The following STK33 variants were observed in gnomAD, a reference collection of about 807,000 sequenced individuals.
The protein encoded by STK33 is serine/threonine kinase 33.
Under a neutral mutation model 58.0 loss-of-function variants are expected in STK33, and 52 were observed. That is an observed-to-expected ratio of 0.90 (90% confidence interval 0.72 to 1.13). STK33 has a LOEUF of 1.13. STK33 is among the 50% of genes most tolerant of loss of function. STK33 has a pLI of 0.00. For missense variants in STK33, 630 were observed against 604.2 expected (o/e 1.04, Z -0.45); for synonymous variants, 215 against 200.1 (o/e 1.07, Z -0.63).
At chr11:8,486,002 C>A (rs2138416517) in intron 1 of STK33, among the ~76,000 whole-genome samples, 1 of 152,280 alleles carries the variant, frequency 6.6e-6, no homozygotes, top group Non-Finnish European at 1.5e-5. Flanking sequence ...CTTCTCAAAT[C>A]CATCAGTTTT....
chr11:8,582,795 T>C (rs2030639349), intron 1 of STK33, among the ~76,000 whole-genome samples: 2 of 152,224 alleles, frequency 1.3e-5, no homozygotes, highest in Admixed American at 6.5e-5. Flanking sequence ...TGGGCTATGG[T>C]ATGTTCAGAA....
intron 1 of STK33, among the ~76,000 whole-genome samples, chr11:8,510,554 T>C (rs1952233879): frequency 6.6e-6 from 1 of 152,170 alleles, no homozygotes; most frequent in East Asian, 1.9e-4. Flanking sequence ...GCTTTTGGGT[T>C]CTCAGTCATG....
At chr11:8,370,442 C>T in the STK33 span, among the ~76,000 whole-genome samples, 36 of 152,288 alleles carry the variant, frequency 2.4e-4, no homozygotes, top group Admixed American at 1.9e-3. Flanking sequence ...AAGTGATCAT[C>T]TTGCCTTGCC....
chr11:8,442,773 T>C (rs1235403935), intron 11 of STK33, among the ~76,000 whole-genome samples: 5 of 152,210 alleles, frequency 3.3e-5, no homozygotes. Context: ...GAATTACGTA[T>C]ACTCTTCAGC....
In STK33 at chr11:8,594,226, A is replaced by T. The variant is rs1354565074; in HGVS notation, c.-609T>A. 1 of 152,262 alleles carries T rather than the reference A, an allele frequency of 6.6e-6. No homozygotes were observed. The highest frequency in any genetic ancestry group is 1.5e-5 in the Non-Finnish European group (1 of 68,106). 9.4% of individuals were successfully genotyped at this position (152,262 alleles called of 1,614,324 possible). On this transcript the variant is annotated 5_prime_UTR_variant, in exon 1 of 16. Coordinates refer to ENST00000687296, the MANE Select transcript of STK33 (RefSeq NM_001352389.2). ...GGACGGGGGCCGCGCGAGGACAAAC[A>T]GCGGCGGCGGGTGCAAAGCCCCTTC... is the stretch of plus-strand genomic sequence containing the variant.
chr11:8,342,300 T>C, the STK33 span, among the ~76,000 whole-genome samples: 1 of 152,230 alleles, frequency 6.6e-6, no homozygotes, highest in Admixed American at 6.5e-5. Flanking sequence ...AGAATGGTGC[T>C]CAGAGTTCAG....
At chr11:8,419,700 C>A (rs1220686051) in intron 14 of STK33, among the ~76,000 whole-genome samples, 4 of 152,062 alleles carry the variant, frequency 2.6e-5, no homozygotes, top group Non-Finnish European at 5.9e-5. Flanking sequence ...GATATTGATT[C>A]TTCCGATCCA....
At chr11:8,446,757 C>G (rs1043790584) in intron 11 of STK33, among the ~76,000 whole-genome samples, 3 of 152,122 alleles carry the variant, frequency 2.0e-5, no homozygotes, top group African/African-American at 7.2e-5. Flanking sequence ...GGAAAACTGG[C>G]TAGCCATATG....
chr11:8,473,352 G>A (rs2137839484), intron 5 of STK33, 76 bp from the exon 6 acceptor site: 2 of 838,336 alleles, frequency 2.4e-6, no homozygotes, highest in Non-Finnish European at 3.9e-6. Flanking sequence ...TCCTAATTTA[G>A]ATAATCTGAT....
chr11:8,371,720 C>G, the STK33 span, among the ~76,000 whole-genome samples: 1 of 141,454 alleles, frequency 7.1e-6, no homozygotes, highest in Non-Finnish European at 1.5e-5. Context: ...CATTTATTTC[C>G]CTCCCTTCTT....
the STK33 span, among the ~76,000 whole-genome samples, chr11:8,349,176 C>A: frequency 1.3e-5 from 2 of 152,226 alleles, no homozygotes; most frequent in Non-Finnish European, 2.9e-5. Flanking sequence ...TGCCAAGACT[C>A]CATTGCTTCA....
At position 8,454,797 on chromosome 11, in the gene STK33, T is replaced by C; in HGVS notation, c.733A>G (p.Met245Val). ...TCATCAATAAGACTGCTTTTAACCATTATATTTTCCAGTTTCAGATCTCTA... is the reference window on the plus strand; with the variant it reads ...TCATCAATAAGACTGCTTTTAACCACTATATTTTCCAGTTTCAGATCTCTA... ...VHRDLKLENIMVKSSLIDDNN... is the reference protein window; with the variant it reads ...VHRDLKLENIVVKSSLIDDNN... Residue 245 changes from methionine (M) to valine (V), a missense_variant, in exon 10 of 16, where the codon ATG becomes GTG. Physicochemically the swap from Met to Val is conservative, Grantham distance 21. Transcript: ENST00000687296. 6.4e-7 allele frequency: 1 copy of C among 1,571,802 alleles called. No individual in the cohort carries two copies. Among genetic ancestry groups the C allele is most frequent in the Non-Finnish European group, 8.7e-7 (1 of 1,155,538 alleles).
intron 15 of STK33, among the ~76,000 whole-genome samples, chr11:8,408,439 G>A (rs1316999599): frequency 1.3e-5 from 2 of 152,152 alleles, no homozygotes; most frequent in Non-Finnish European, 2.9e-5. Context: ...TAAAACCTAA[G>A]CCTTATACAA....
chr11:8,523,957 C>G (rs1266367161), intron 1 of STK33, among the ~76,000 whole-genome samples: 2 of 152,234 alleles, frequency 1.3e-5, no homozygotes, highest in African/African-American at 4.8e-5. Context: ...GAGACTCCAT[C>G]TTGTTCTGTA....
At chr11:8,400,319 G>A (rs1340159118) in intron 15 of STK33, among the ~76,000 whole-genome samples, 7 of 151,598 alleles carry the variant, frequency 4.6e-5, no homozygotes, top group South Asian at 2.1e-4. Context: ...TTCAACATAC[G>A]CAAATCAATA....
intron 1 of STK33, among the ~76,000 whole-genome samples, chr11:8,589,332 A>C (rs1010233762): frequency 3.3e-5 from 5 of 152,214 alleles, no homozygotes; most frequent in African/African-American, 1.2e-4. Context: ...GGTCATAAAA[A>C]GGAATAAAGT....
chr11:8,385,476 G>A, the STK33 span, among the ~76,000 whole-genome samples: 4 of 152,046 alleles, frequency 2.6e-5, no homozygotes, highest in East Asian at 1.9e-4. Context: ...ATCCCTCCCC[G>A]GCTCTTCCCA....
chr11:8,576,602 T>C (rs1958201930), intron 1 of STK33, among the ~76,000 whole-genome samples: 1 of 152,050 alleles, frequency 6.6e-6, no homozygotes, highest in African/African-American at 2.4e-5. Flanking sequence ...TAACATTTAT[T>C]AAATACCTTT....
Position 8,461,818 on chromosome 11 carries a change from A to C in STK33, c.545T>G (p.Phe182Cys). 1.9e-6 allele frequency: 3 copies of C among 1,587,684 alleles called. No individual in the cohort carries two copies. The highest frequency in any genetic ancestry group is 2.6e-6 in the Non-Finnish European group (3 of 1,170,632). Residue 182 changes from phenylalanine to cysteine, a missense_variant, in exon 8 of 16, where the codon TTT (phenylalanine) becomes TGT (cysteine). Coordinates refer to ENST00000687296, the MANE Select transcript of STK33 (RefSeq NM_001352389.2). ...HEHIIHLEQV[F>C]ETPKKMYLVM... is the part of the protein sequence containing the mutation. ...ATAGAGGTTTACCTTTGGCGTTTCA[A>C]ATACTTGTTCCAGATGTATGATGTG... is the stretch of plus-strand genomic sequence containing the variant.
Sources: gnomAD v4.1 joint callset for allele counts (sites outside exome capture counted in the v4.1 genomes callset) on GRCh38, gnomAD v4.1.1 for gene constraint, MANE v1.5 for transcripts, NCBI Gene and HGNC (gene_info 2026-07-23, HGNC 2026-07-21) for gene names.